The following CFAP299 variants were observed in gnomAD, a reference collection of about 807,000 sequenced individuals.
The protein encoded by CFAP299 is cilia and flagella associated protein 299, also known as cilia- and flagella-associated protein 299.
In CFAP299, 21 loss-of-function variants were observed where a neutral mutation model predicts 27.0. The ratio of observed to expected loss-of-function variants is 0.78; its 90% CI spans 0.55 to 1.12. The LOEUF (loss-of-function observed/expected upper bound fraction) is 1.12, where lower values mean the gene tolerates loss of function less well. Ranked by LOEUF, CFAP299 falls within the 50% of genes most tolerant of loss-of-function variation. The probability of loss-of-function intolerance (pLI) is 0.00; values close to 1 mark genes in which losing one functional copy is unlikely to be tolerated. For synonymous variants in CFAP299, 104 were observed against 98.1 expected (o/e 1.06, Z -0.36); for missense variants, 310 against 276.6 (o/e 1.12, Z -0.86).
chr4:80,423,529 G>A (rs935370832), intron 2 of CFAP299, among the ~76,000 whole-genome samples: 1 of 152,206 alleles, frequency 6.6e-6, no homozygotes, highest in Non-Finnish European at 1.5e-5. Flanking sequence ...GGTCTCAACT[G>A]TGTGGGCTCC....
At chr4:80,440,430 C>T (rs1200832047) in intron 2 of CFAP299, among the ~76,000 whole-genome samples, 10 of 152,202 alleles carry the variant, frequency 6.6e-5, no homozygotes, top group Non-Finnish European at 1.2e-4. Context: ...GGTGGACCTT[C>T]AGCAAACTCC....
intron 2 of CFAP299, among the ~76,000 whole-genome samples, chr4:80,423,359 A>G (rs1727381379): frequency 6.6e-6 from 1 of 152,242 alleles, no homozygotes. Flanking sequence ...GGGAGCCCCA[A>G]AATAAGTAAA....
intron 3 of CFAP299, among the ~76,000 whole-genome samples, chr4:80,640,520 C>T (rs9994610): frequency 0.93 from 141,366 of 152,226 alleles, 65,722 homozygotes; most frequent in East Asian, 1. Context: ...AGTATTCTCC[C>T]TGACAGTGGT....
At chr4:80,941,897 A>G (rs899852417) in intron 4 of CFAP299, among the ~76,000 whole-genome samples, 10 of 152,174 alleles carry the variant, frequency 6.6e-5, no homozygotes, top group African/African-American at 2.4e-4. Flanking sequence ...TATTGTGAGG[A>G]CAGTACCAAG....
At chr4:80,808,106 T>G (rs1216145334) in intron 3 of CFAP299, among the ~76,000 whole-genome samples, 1 of 152,068 alleles carries the variant, frequency 6.6e-6, no homozygotes, top group South Asian at 2.1e-4. Context: ...TAGTTAAAAA[T>G]TGTATTTGTA....
chr4:80,430,518 A>AT (rs1236590687), intron 2 of CFAP299, among the ~76,000 whole-genome samples: 3 of 152,146 alleles, frequency 2.0e-5, no homozygotes, highest in African/African-American at 4.8e-5. Context: ...GCTTGCCTTC[A>AT]TTGCATATTT....
At chr4:80,495,184 G>A (rs1276910310) in intron 2 of CFAP299, among the ~76,000 whole-genome samples, 1 of 152,066 alleles carries the variant, frequency 6.6e-6, no homozygotes, top group African/African-American at 2.4e-5. Context: ...TATTAACTTA[G>A]GTTTTATAAT....
At chr4:80,735,795 C>A (rs571649557) in intron 3 of CFAP299, among the ~76,000 whole-genome samples, 2 of 152,194 alleles carry the variant, frequency 1.3e-5, no homozygotes, top group Admixed American at 1.3e-4. Context: ...CTCACTTGGT[C>A]ATCATGAATA....
At chr4:80,775,790 A>T (rs1726501673) in intron 3 of CFAP299, among the ~76,000 whole-genome samples, 1 of 152,170 alleles carries the variant, frequency 6.6e-6, no homozygotes, top group Non-Finnish European at 1.5e-5. Flanking sequence ...CATAAACAAA[A>T]TGGTTGTAAG....
intron 3 of CFAP299, among the ~76,000 whole-genome samples, chr4:80,651,783 C>T (rs532031626): frequency 4.0e-5 from 6 of 149,162 alleles, no homozygotes; most frequent in Non-Finnish European, 7.4e-5. Context: ...ACAGAAGAGA[C>T]AAAATCACAC....
chr4:80,893,979 T>A (rs1734481550), intron 4 of CFAP299, among the ~76,000 whole-genome samples: 1 of 151,854 alleles, frequency 6.6e-6, no homozygotes, highest in Admixed American at 6.6e-5. Context: ...AAGGGATTAA[T>A]ATCCAAAATA....
At chr4:80,865,898 A>G (rs1304854338) in intron 3 of CFAP299, among the ~76,000 whole-genome samples, 1 of 97,160 alleles carries the variant, frequency 1.0e-5, no homozygotes, top group Non-Finnish European at 2.0e-5. Flanking sequence ...GGTGGGGAAC[A>G]TCACACACCA....
chr4:80,740,440 T>C (rs1724189329), intron 3 of CFAP299, among the ~76,000 whole-genome samples: 1 of 152,178 alleles, frequency 6.6e-6, no homozygotes, highest in South Asian at 2.1e-4. Flanking sequence ...GCAGAGACTC[T>C]TGTTCTTTTC....
chr4:80,465,830 G>C (rs1041034441), intron 2 of CFAP299, among the ~76,000 whole-genome samples: 1 of 152,138 alleles, frequency 6.6e-6, no homozygotes, highest in African/African-American at 2.4e-5. Flanking sequence ...TTGAACCTAC[G>C]TGAGCTGGGT....
At chr4:80,900,123 A>AGTGTGTGTGTGTGTGTGTGTGTGT (rs3038537) in intron 4 of CFAP299, among the ~76,000 whole-genome samples, 76 of 139,890 alleles carry the variant, frequency 5.4e-4, no homozygotes, top group South Asian at 9.8e-4. Context: ...AGTGGAAGAA[A>AGTGTGTGTGTGTGTGTGTGTGTGT]GTGTGTGTGT....
intron 3 of CFAP299, among the ~76,000 whole-genome samples, chr4:80,792,921 GT>G (rs563790346): frequency 9.1e-4 from 138 of 152,082 alleles, no homozygotes; most frequent in African/African-American, 3.2e-3. Context: ...ATAATATCCA[GT>G]TTGTTTATAT....
chr4:80,933,045 T>C (rs1032751223), intron 4 of CFAP299, among the ~76,000 whole-genome samples: 1 of 152,184 alleles, frequency 6.6e-6, no homozygotes, highest in Admixed American at 6.5e-5. Flanking sequence ...GTGAAATATA[T>C]GTATACGTTT....
intron 3 of CFAP299, among the ~76,000 whole-genome samples, chr4:80,616,338 A>G (rs1577936563): frequency 2.0e-5 from 3 of 152,290 alleles, no homozygotes; most frequent in East Asian, 3.9e-4. Context: ...CAAAAGAACT[A>G]TAAAGTTTTG....
intron 3 of CFAP299, among the ~76,000 whole-genome samples, chr4:80,620,571 A>T (rs1738535632): frequency 6.6e-6 from 1 of 152,112 alleles, no homozygotes; most frequent in African/African-American, 2.4e-5. Context: ...TTGCTTTAGG[A>T]TGATGGCTTG....
Sources: allele counts gnomAD v4.1 joint callset (sites outside exome capture counted in the v4.1 genomes callset), GRCh38; gene constraint gnomAD v4.1.1; transcripts MANE v1.5; gene names NCBI Gene and HGNC (gene_info 2026-07-23, HGNC 2026-07-21).